The following GLT8D2 variants were observed in gnomAD, a reference collection of about 807,000 sequenced individuals.
The protein encoded by GLT8D2 is glycosyltransferase 8 domain containing 2.
In GLT8D2, 45 loss-of-function variants were observed where a neutral mutation model predicts 44.5. That is an observed-to-expected ratio of 1.01 (90% confidence interval 0.80 to 1.30). GLT8D2 has a LOEUF of 1.30. Ranked by LOEUF, GLT8D2 falls within the 50% of genes most tolerant of loss-of-function variation. The pLI is 0.00. For synonymous variants in GLT8D2, 156 were observed against 157.2 expected (o/e 0.99, Z 0.06); for missense variants, 400 against 430.4 (o/e 0.93, Z 0.62).
intron 1 of GLT8D2, among the ~76,000 whole-genome samples, chr12:104,027,861 T>C (rs568497500): frequency 6.6e-6 from 1 of 152,264 alleles, no homozygotes; most frequent in African/African-American, 2.4e-5. Flanking sequence ...TGCTGAGCTC[T>C]CAAAGGGCCC....
intron 2 of GLT8D2, among the ~76,000 whole-genome samples, 160 bp from the exon 3 acceptor site, chr12:104,019,836 C>G (rs973912330): frequency 1.3e-5 from 2 of 152,180 alleles, no homozygotes; most frequent in Non-Finnish European, 2.9e-5. Context: ...AAAATAAATA[C>G]TAGCCCATGT....
rs367887581 is a variant in GLT8D2 at position 103,999,419 on chromosome 12, G to A, written c.380C>T (p.Ser127Leu). 2.9e-5 allele frequency: 46 copies of A among 1,609,876 alleles called. No homozygotes were observed. In the African/African-American group the frequency reaches 4.4e-4, roughly 15 times the overall value. ...VLKGKIRPDSSRPELLQPLNF... is the reference protein window; with the variant it reads ...VLKGKIRPDSLRPELLQPLNF... Reference sequence around the variant, plus strand: ...TACAGGCTGGAGCAATTCAGGCCTCGATGAGTCTGGTCTGATCTTCCCTTT... The same window carrying A: ...TACAGGCTGGAGCAATTCAGGCCTCAATGAGTCTGGTCTGATCTTCCCTTT... Residue 127 changes from serine (S) to leucine (L), a missense_variant, in exon 6 of 11, where the codon TCG becomes TTG. Transcript: ENST00000360814.
chr12:104,003,111 C>T (rs1415583377), intron 5 of GLT8D2, 24 bp downstream of exon 5: 5 of 1,596,260 alleles, frequency 3.1e-6, no homozygotes, highest in Non-Finnish European at 4.3e-6. Context: ...CAGAAAGTGC[C>T]AAAGTCTGTA....
intron 4 of GLT8D2, among the ~76,000 whole-genome samples, chr12:104,013,679 T>C (rs1243193236): frequency 1.3e-5 from 2 of 152,176 alleles, no homozygotes; most frequent in African/African-American, 4.8e-5. Context: ...TTGTTCACTG[T>C]TGTGTTTCCA....
chr12:103,990,519 T>A (rs1872628343), intron 10 of GLT8D2, among the ~76,000 whole-genome samples: 1 of 152,170 alleles, frequency 6.6e-6, no homozygotes, highest in Admixed American at 6.5e-5. Flanking sequence ...TACAATTTTT[T>A]AAAAATCTCT....
At chr12:104,009,721 G>A (rs951524898) in intron 4 of GLT8D2, among the ~76,000 whole-genome samples, 2 of 152,216 alleles carry the variant, frequency 1.3e-5, no homozygotes, top group Non-Finnish European at 2.9e-5. Context: ...TGTTGTGGGA[G>A]GGACCCAGTG....
intron 4 of GLT8D2, 120 bp from the exon 5 acceptor site, chr12:104,003,426 C>T: frequency 1.2e-6 from 1 of 827,830 alleles, no homozygotes; most frequent in East Asian, 2.6e-5. Context: ...GCTGATTGTT[C>T]TCCAATATCT....
In GLT8D2 at chr12:103,999,469, G is replaced by T; in HGVS notation, c.330C>A (p.Ile110=). The T allele has an allele frequency of 1.9e-6, 3 of 1,612,826 alleles. No homozygotes were observed. The highest frequency in any genetic ancestry group is 8.5e-7 in the Non-Finnish European group (1 of 1,179,204). The part of the protein sequence containing the change: ...HSKLREINFK[I]VEFNPMVLKG... ...TGAGGACCATCGGGTTGAATTCCAC[G>T]ATTTTAAAGTTTATTTCTCTCAGTT... The change falls in exon 6 of 11, where the codon ATC becomes ATA. Residue 110 remains isoleucine (I), a synonymous_variant. Transcript: ENST00000360814.
At chr12:104,051,128 T>TC (rs556832308), upstream of GLT8D2, among the ~76,000 whole-genome samples, 52 of 151,936 alleles carry the variant, frequency 3.4e-4, 3 homozygotes, top group South Asian at 0.011. Context: ...TTACTTTTTT[T>TC]TTTTTTTAAA....
chr12:104,034,276 C>T (rs1264283056), intron 1 of GLT8D2, among the ~76,000 whole-genome samples: 2 of 152,208 alleles, frequency 1.3e-5, no homozygotes, highest in African/African-American at 4.8e-5. Flanking sequence ...TCGTTCATCT[C>T]ATTGGGACTG....
chr12:104,044,589 T>C (rs1297192087), intron 1 of GLT8D2, among the ~76,000 whole-genome samples: 1 of 152,140 alleles, frequency 6.6e-6, no homozygotes, highest in Non-Finnish European at 1.5e-5. Flanking sequence ...CCTCTTCAAC[T>C]TCTCCCTCCT....
intron 1 of GLT8D2, among the ~76,000 whole-genome samples, chr12:104,024,813 G>T (rs977430599): frequency 8.5e-5 from 13 of 152,224 alleles, no homozygotes; most frequent in African/African-American, 2.9e-4. Context: ...GCTCATGCCT[G>T]TAATCCCAGC....
chr12:104,023,071 C>G (rs1292472624), intron 1 of GLT8D2, among the ~76,000 whole-genome samples: 2 of 152,152 alleles, frequency 1.3e-5, no homozygotes, highest in African/African-American at 4.8e-5. Context: ...AAATTTTTTT[C>G]CAGTCTTCTG....
intron 5 of GLT8D2, among the ~76,000 whole-genome samples, chr12:103,999,791 G>T (rs941699165): frequency 1.5e-4 from 23 of 152,120 alleles, no homozygotes; most frequent in Non-Finnish European, 2.5e-4. Context: ...ATTTCCCCAG[G>T]AAACAGGAAG....
chr12:104,000,106 G>C (rs1229072850), intron 5 of GLT8D2, among the ~76,000 whole-genome samples: 1 of 151,664 alleles, frequency 6.6e-6, no homozygotes, highest in Non-Finnish European at 1.5e-5. Flanking sequence ...TGAGGTTCTT[G>C]GTAGAAATAA....
At chr12:104,044,496 G>C (rs889807385) in intron 1 of GLT8D2, among the ~76,000 whole-genome samples, 10 of 152,208 alleles carry the variant, frequency 6.6e-5, no homozygotes, top group African/African-American at 2.2e-4. Flanking sequence ...TCAGGGTGCT[G>C]CACAAGTATC....
chr12:104,018,909 T>C (rs1191099284), intron 3 of GLT8D2, among the ~76,000 whole-genome samples: 1 of 152,236 alleles, frequency 6.6e-6, no homozygotes, highest in Non-Finnish European at 1.5e-5. Flanking sequence ...ATTCACAAAC[T>C]ACTGGATCTA....
chr12:104,048,404 T>A (rs368110996), intron 1 of GLT8D2, among the ~76,000 whole-genome samples: 22 of 152,358 alleles, frequency 1.4e-4, no homozygotes, highest in East Asian at 9.6e-4. Context: ...AAGAGGGTAA[T>A]ATAGTTCACA....
chr12:103,999,882 T>C (rs567466958), intron 5 of GLT8D2, among the ~76,000 whole-genome samples: 46 of 152,334 alleles, frequency 3.0e-4, no homozygotes, highest in Middle Eastern at 3.4e-3. Context: ...CTCTGAAATA[T>C]TATGAAACAG....
Sources: allele counts gnomAD v4.1 joint callset (sites outside exome capture counted in the v4.1 genomes callset), GRCh38; gene constraint gnomAD v4.1.1; transcripts MANE v1.5; gene names NCBI Gene and HGNC (gene_info 2026-07-23, HGNC 2026-07-21).